RAD21L1: variants seen among roughly 807,000 people sequenced by gnomAD.
RAD21L1 encodes double-strand-break repair protein rad21-like protein 1.
A neutral mutation model predicts 69.0 loss-of-function variants in RAD21L1; 47 were observed. That is an observed-to-expected ratio of 0.68 (90% CI 0.54 to 0.87). The LOEUF is 0.87. RAD21L1 is among the 40% of genes least tolerant of loss of function. The probability of loss-of-function intolerance (pLI) is 0.00; values close to 1 mark genes in which losing one functional copy is unlikely to be tolerated. For synonymous variants in RAD21L1, 177 were observed against 205.8 expected (o/e 0.86, Z 1.20); for missense variants, 583 against 647.6 (o/e 0.90, Z 1.08).
At chr20:1,238,316 T>C in intron 6 of RAD21L1, 102 bp downstream of exon 6, 2 of 879,624 alleles carry the variant, frequency 2.3e-6, no homozygotes, top group Non-Finnish European at 3.2e-6. Context: ...AAATATGTTT[T>C]TGTGTTATGT....
At chr20:1,235,991 C>T (rs556385162) in intron 5 of RAD21L1, among the ~76,000 whole-genome samples, 1 of 152,258 alleles carries the variant, frequency 6.6e-6, no homozygotes, top group South Asian at 2.1e-4. Flanking sequence ...TGGTTTTGAA[C>T]TCCTGACCTC....
At chr20:1,239,622 G>T (rs1415711210) in intron 7 of RAD21L1, among the ~76,000 whole-genome samples, 2 of 152,136 alleles carry the variant, frequency 1.3e-5, no homozygotes, top group Non-Finnish European at 2.9e-5. Context: ...TAGCATGAGA[G>T]AACTCTGCCA....
At chr20:1,232,042 A>G (rs971014443) in intron 4 of RAD21L1, among the ~76,000 whole-genome samples, 1 of 152,252 alleles carries the variant, frequency 6.6e-6, no homozygotes. Context: ...ATAAACAGTA[A>G]GACAGGAAAG....
chr20:1,245,692 C>T (rs1476970109), intron 11 of RAD21L1, among the ~76,000 whole-genome samples: 6 of 152,078 alleles, frequency 3.9e-5, no homozygotes, highest in African/African-American at 1.2e-4. Context: ...TTCCAACAGA[C>T]AGGTTCTTCT....
In RAD21L1 at chr20:1,255,343, A is replaced by C. The variant is rs1600236301; in HGVS notation, c.*886A>C. On this transcript the variant is annotated 3_prime_UTR_variant, in exon 14 of 14. Transcript: ENST00000683101. ...ATGTTCTTTTGTTTGGTGTTTACTG[A>C]ACATTTTTGACATTAAAACTGTTGT... Among the ~76,000 whole-genome samples the C allele has an allele frequency of 6.6e-6, 1 of 152,290 alleles. No individual in the cohort carries two copies. Among genetic ancestry groups the C allele is most frequent in the East Asian group, 1.9e-4 (1 of 5,192 alleles).
chr20:1,233,836 AT>A (rs2087442627), intron 4 of RAD21L1, among the ~76,000 whole-genome samples: 1 of 152,224 alleles, frequency 6.6e-6, no homozygotes, highest in South Asian at 2.1e-4. Flanking sequence ...CATTTAGGCC[AT>A]AGCAAAAGTC....
chr20:1,242,680 C>G lies in RAD21L1; in HGVS notation c.918C>G (p.Leu306=), dbSNP rs1462860505. The change falls in exon 9 of 14, where the codon CTC becomes CTG. Residue 306 remains leucine, a synonymous_variant. Coordinates refer to ENST00000683101, the MANE Select transcript of RAD21L1 (RefSeq NM_001384355.1). ...TGCTCATAGATCCTATCAAGGAGCT[C>G]AGTAGCAAAGTTATACATAAACAGC... ...RRLLIDPIKE[L]SSKVIHKQLT... is the part of the protein sequence containing the mutation. 4 of 1,551,472 alleles carry G rather than the reference C, an allele frequency of 2.6e-6. No homozygotes were observed. Among genetic ancestry groups the G allele is most frequent in the Non-Finnish European group, 3.5e-6 (4 of 1,146,922 alleles).
chr20:1,230,555 G>A, intron 3 of RAD21L1: 2 of 440,108 alleles, frequency 4.5e-6, no homozygotes, highest in Non-Finnish European at 6.0e-6. Flanking sequence ...TTGTATTATG[G>A]CTACTTAGGT....
chr20:1,254,258 T>C lies in RAD21L1; in HGVS notation c.1480-11T>C, dbSNP rs377431155. On this transcript the variant is annotated splice_polypyrimidine_tract_variant and intron_variant, in intron 13 of 13. Coordinates refer to ENST00000683101, the MANE Select transcript of RAD21L1 (RefSeq NM_001384355.1). ...TCCCATTTCTTTTTTCTTTTCTAAT[T>C]ATTTTCCCAGGAATCTAACAAGATG... 7 of 1,456,706 alleles carry C rather than the reference T, an allele frequency of 4.8e-6. No individual in the cohort carries two copies. The highest frequency in any genetic ancestry group is 2.6e-5 in the East Asian group (1 of 39,124). The allele number at this position is 1,456,706 out of a possible 1,614,324, so 90.2% of individuals were successfully genotyped here.
intron 6 of RAD21L1, 62 bp from the exon 7 acceptor site, chr20:1,239,250 T>C: frequency 1.2e-6 from 1 of 866,012 alleles, no homozygotes; most frequent in Non-Finnish European, 1.8e-6. Flanking sequence ...CATTAATAAA[T>C]GTTTAGTGAA....
Position 1,228,586 on chromosome 20 carries a change from C to CT in RAD21L1, c.136dup (p.Ser46PhefsTer23). ...TCTAGAGATAACCATTGAAAAAATTCTTTCACCCAAGGTATGTTACTGATT... is the reference window on the plus strand; with the variant it reads ...TCTAGAGATAACCATTGAAAAAATTCTTTTCACCCAAGGTATGTTACTGATT... On this transcript the variant is annotated frameshift_variant, in exon 2 of 14. Transcript: ENST00000683101. LOFTEE classifies it high-confidence loss of function. 6.5e-7 allele frequency: 1 copy of CT among 1,540,964 alleles called. No individual in the cohort carries two copies. Among genetic ancestry groups the CT allele is most frequent in the South Asian group, 1.2e-5 (1 of 82,062 alleles).
At position 1,248,661 on chromosome 20, in the gene RAD21L1, G is replaced by GA; in HGVS notation, c.1438dup (p.Arg480LysfsTer17). On this transcript the variant is annotated frameshift_variant, in exon 13 of 14. Coordinates refer to ENST00000683101, the MANE Select transcript of RAD21L1 (RefSeq NM_001384355.1). LOFTEE classifies it high-confidence loss of function. ...GCAATGAAGAAAATATTGAGACAGA[G>GA]AGATGGAATGGAAGAATACTTCAGA... 1 of 1,535,456 alleles carries GA rather than the reference G, an allele frequency of 6.5e-7. No homozygotes were observed. The highest frequency in any genetic ancestry group is 1.4e-5 in the African/African-American group (1 of 72,520).
rs953144140 is a variant in RAD21L1, at chr20:1,255,172, C to T, written c.*715C>T. 6.6e-6 allele frequency among the ~76,000 whole-genome samples: 1 copy of T among 152,096 alleles called. No individual in the cohort carries two copies. The highest frequency in any genetic ancestry group is 1.5e-5 in the Non-Finnish European group (1 of 68,002). Reference sequence around the variant, plus strand: ...TTTAGTCTATTTATAGGTCACTTAACTTTTTTATTTACTATTTAATGATTA... The same window carrying T: ...TTTAGTCTATTTATAGGTCACTTAATTTTTTTATTTACTATTTAATGATTA... On this transcript the variant is annotated 3_prime_UTR_variant, in exon 14 of 14. Transcript: ENST00000683101.
chr20:1,242,608 C>A lies in RAD21L1; in HGVS notation c.857-11C>A. On this transcript the variant is annotated splice_polypyrimidine_tract_variant and intron_variant, in intron 8 of 13. Coordinates refer to ENST00000683101, the MANE Select transcript of RAD21L1 (RefSeq NM_001384355.1). ...ATAACCAATCACATTTGTGCTATTT[C>A]TTATATTTAGACATTGCTGAGAAAA... 2 of 1,528,356 alleles carry A rather than the reference C, an allele frequency of 1.3e-6. No homozygotes were observed. The highest frequency in any genetic ancestry group is 2.4e-5 in the South Asian group (2 of 83,538). The allele number at this position is 1,528,356 out of a possible 1,614,324, so 94.7% of individuals were successfully genotyped here.
At chr20:1,244,221 G>C in intron 11 of RAD21L1, 51 bp downstream of exon 11, 1 of 1,251,278 alleles carries the variant, frequency 8.0e-7, no homozygotes, top group South Asian at 1.5e-5. Flanking sequence ...TACAGATACA[G>C]TAAAGGAATG....
At chr20:1,254,004 G>A (rs1042014654) in intron 13 of RAD21L1, among the ~76,000 whole-genome samples, 1 of 152,064 alleles carries the variant, frequency 6.6e-6, no homozygotes, top group African/African-American at 2.4e-5. Context: ...TTTTAAAAAG[G>A]CCTATCATTT....
chr20:1,254,337 AG>A lies in RAD21L1; in HGVS notation c.1549del (p.Ala517GlnfsTer11). 6.4e-7 allele frequency: 1 copy of A among 1,551,374 alleles called. No individual in the cohort carries two copies. The highest frequency in any genetic ancestry group is 8.7e-7 in the Non-Finnish European group (1 of 1,146,818). On this transcript the variant is annotated frameshift_variant, in exon 14 of 14. Coordinates refer to ENST00000683101, the MANE Select transcript of RAD21L1 (RefSeq NM_001384355.1). LOFTEE classifies it high-confidence loss of function. ...TCTGTAGAAATAGTGACCGAAAACA[AG>A]CAGCTGCCAAATTTTATAGCTTTCT... ...KLCRNSDRKQ[A>X]AAKFYSFLVL...
intron 4 of RAD21L1, among the ~76,000 whole-genome samples, chr20:1,233,444 C>G (rs2087433445): frequency 6.6e-6 from 1 of 152,120 alleles, no homozygotes; most frequent in African/African-American, 2.4e-5. Context: ...CCTCAGAGGC[C>G]AAGAGAAGAA....
chr20:1,253,135 G>A (rs562442164), intron 13 of RAD21L1, among the ~76,000 whole-genome samples: 25 of 152,264 alleles, frequency 1.6e-4, no homozygotes, highest in African/African-American at 5.5e-4. Context: ...CCTGGGCCAC[G>A]CCTTTGGTTA....
Sources: gnomAD v4.1 joint callset for allele counts (sites outside exome capture counted in the v4.1 genomes callset) on GRCh38, gnomAD v4.1.1 for gene constraint, MANE v1.5 for transcripts, NCBI Gene and HGNC (gene_info 2026-07-23, HGNC 2026-07-21) for gene names.